The following CTPS2 variants were observed in gnomAD, a reference collection of about 807,000 sequenced individuals.
CTPS2 encodes CTP synthase 2.
A neutral mutation model predicts 46.8 loss-of-function variants in CTPS2; 19 were observed. The ratio of observed to expected loss-of-function variants is 0.41; its 90% CI spans 0.28 to 0.60. The LOEUF is 0.60. Ranked by LOEUF, CTPS2 falls within the 20% of genes least tolerant of loss-of-function variation. CTPS2 has a pLI of 0.35. For synonymous variants in CTPS2, 151 were observed against 165.2 expected (o/e 0.91, Z 0.66); for missense variants, 286 against 447.6 (o/e 0.64, Z 3.26).
At chrX:16,598,519 A>T (rs1488323050) in intron 17 of CTPS2, among the ~76,000 whole-genome samples, 9 of 111,983 alleles carry the variant, frequency 8.0e-5, no homozygotes, top group Admixed American at 1.9e-4. Context: ...AAGAAGTTGA[A>T]TCTCTGAATA....
rs940564823 is a variant in CTPS2, at chrX:16,695,417, A to G, written c.439-1930T>C. On this transcript the variant is annotated intron_variant, in intron 4 of 18. Coordinates refer to ENST00000359276, the MANE Select transcript of CTPS2 (RefSeq NM_175859.3). Reference sequence around the variant, plus strand: ...TTTGAAGTTAACTGTTGCCCCAGATAAAAGGGAAAATATCACCTATAACAA... The same window carrying G: ...TTTGAAGTTAACTGTTGCCCCAGATGAAAGGGAAAATATCACCTATAACAA... Among the ~76,000 whole-genome samples, 10 of 112,388 alleles carry G rather than the reference A, an allele frequency of 8.9e-5. No homozygotes were observed. In the East Asian group the frequency reaches 2.5e-3, roughly 28 times the overall value.
At chrX:16,693,623 GT>G in intron 4 of CTPS2, 136 bp from the exon 5 acceptor site, 1 of 477,655 alleles carries the variant, frequency 2.1e-6, no homozygotes, top group Non-Finnish European at 3.6e-6. Context: ...TTATAAATAC[GT>G]TCAAAATCAC....
intron 15 of CTPS2, among the ~76,000 whole-genome samples, chrX:16,619,379 A>G (rs1420157921): frequency 8.9e-6 from 1 of 112,410 alleles, no homozygotes; most frequent in East Asian, 2.8e-4. Flanking sequence ...CATTGCCCTG[A>G]AAAATGGCTA....
chrX:16,590,219 ATG>A (rs1182829564), intron 18 of CTPS2, among the ~76,000 whole-genome samples: 27 of 102,052 alleles, frequency 2.6e-4, no homozygotes, highest in Non-Finnish European at 5.5e-4. Context: ...ATTTTATTTT[ATG>A]TTTTATTTTA....
At chrX:16,631,692 G>A (rs770945063) in intron 14 of CTPS2, among the ~76,000 whole-genome samples, 16 of 111,608 alleles carry the variant, frequency 1.4e-4, no homozygotes, top group Non-Finnish European at 3.0e-4. Context: ...TGCCTCCCTC[G>A]CTGGATGTCT....
At chrX:16,620,125 T>A in intron 15 of CTPS2, 152 bp downstream of exon 15, 5 of 360,695 alleles carry the variant, frequency 1.4e-5, no homozygotes, top group Admixed American at 3.9e-5. Flanking sequence ...GCCCATCTCC[T>A]CTGGAAGTGG....
chrX:16,688,299 C>T (rs899595929), intron 8 of CTPS2, among the ~76,000 whole-genome samples: 5 of 110,639 alleles, frequency 4.5e-5, no homozygotes, highest in Non-Finnish European at 7.6e-5. Flanking sequence ...ACTCAGGAGG[C>T]TGAGGCAGGA....
At chrX:16,685,137 A>G (rs1397055141) in intron 8 of CTPS2, among the ~76,000 whole-genome samples, 1 of 111,577 alleles carries the variant, frequency 9.0e-6, no homozygotes, top group African/African-American at 3.3e-5. Flanking sequence ...ATGACAGCAC[A>G]CCAAGTAGTA....
chrX:16,632,319 A>C (rs1313659806), intron 14 of CTPS2, among the ~76,000 whole-genome samples: 1 of 112,267 alleles, frequency 8.9e-6, no homozygotes, highest in East Asian at 2.8e-4. Context: ...ATGAGTTTTT[A>C]AAAAATCGAG....
At chrX:16,671,615 A>G (rs1436456982) in intron 10 of CTPS2, among the ~76,000 whole-genome samples, 1 of 99,146 alleles carries the variant, frequency 1.0e-5, no homozygotes, top group Non-Finnish European at 2.0e-5. Context: ...CCCGGGTTCC[A>G]GCAATTCTCC....
At chrX:16,633,160 T>G (rs1931575686) in intron 14 of CTPS2, among the ~76,000 whole-genome samples, 1 of 105,529 alleles carries the variant, frequency 9.5e-6, no homozygotes, top group African/African-American at 3.5e-5. Context: ...CATGGCTCAC[T>G]GCAGCCTCAA....
intron 1 of CTPS2, among the ~76,000 whole-genome samples, chrX:16,709,779 G>A (rs1469812449): frequency 1.1e-5 from 1 of 93,873 alleles, no homozygotes; most frequent in Non-Finnish European, 2.0e-5. Context: ...AACCCAGGAG[G>A]TGAAGGTTGC....
chrX:16,623,792 CTTTTTTTTTTTTTTTTTT>C (rs60328217), intron 14 of CTPS2, among the ~76,000 whole-genome samples: 1 of 21,683 alleles, frequency 4.6e-5, no homozygotes, highest in Non-Finnish European at 7.6e-5. Flanking sequence ...CCCCTCAATT[CTTTTTTTTTTTTTTTTTT>C]TTTTTTTTTT....
chrX:16,703,006 T>C (rs4831053), intron 1 of CTPS2, 65 bp from the exon 2 acceptor site: 296,042 of 677,284 alleles, frequency 0.44, 53,505 homozygotes, highest in African/African-American at 0.86. Flanking sequence ...GCAGACAGTG[T>C]ATTCAACCAG....
chrX:16,698,419 A>T (rs745770377), intron 3 of CTPS2, 83 bp from the exon 4 acceptor site: 1 of 617,686 alleles, frequency 1.6e-6, no homozygotes, highest in Admixed American at 2.9e-5. Flanking sequence ...ATCACCTGAA[A>T]GTCACCTGGC....
In CTPS2 at chrX:16,707,741, G is replaced by A. The variant is rs370829503; in HGVS notation, c.-40+4594C>T. Reference sequence around the variant, plus strand: ...TAATCTCAGCACTTTGGGAGGCCAAGGCGGGCGGATCACCTGAGGTCAGGA... The same window carrying A: ...TAATCTCAGCACTTTGGGAGGCCAAAGCGGGCGGATCACCTGAGGTCAGGA... On this transcript the variant is annotated intron_variant, in intron 1 of 18. Coordinates refer to ENST00000359276, the MANE Select transcript of CTPS2 (RefSeq NM_175859.3). Among the ~76,000 whole-genome samples, 5 of 112,378 alleles carry A rather than the reference G, an allele frequency of 4.4e-5. No individual in the cohort carries two copies. The East Asian group carries it at 8.4e-4, about 19-fold the overall frequency.
rs56794396 is a variant in CTPS2 at position 16,599,476 on chromosome X, C to CTTT, written c.1692-8617_1692-8615dup. Among the ~76,000 whole-genome samples the CTTT allele has an allele frequency of 9.8e-3, 848 of 86,181 alleles. 10 individuals are homozygous for CTTT. Among genetic ancestry groups the CTTT allele is most frequent in the African/African-American group, 0.036 (801 of 21,973 alleles). 74.8% of individuals were successfully genotyped at this position (86,181 alleles called of 115,157 possible). On this transcript the variant is annotated intron_variant, in intron 17 of 18. Coordinates refer to ENST00000359276, the MANE Select transcript of CTPS2 (RefSeq NM_175859.3). ...TTTTCTTTTTCTTTTTCTTTTTTTTCTTTTTTTTTTTTTTTTTGAGACAGT... is the reference window on the plus strand; with the variant it reads ...TTTTCTTTTTCTTTTTCTTTTTTTTCTTTTTTTTTTTTTTTTTTTTGAGACAGT...
chrX:16,703,048 T>C (rs1924706529), intron 1 of CTPS2, 107 bp from the exon 2 acceptor site: 1 of 491,889 alleles, frequency 2.0e-6, no homozygotes, highest in Non-Finnish European at 3.2e-6. Flanking sequence ...TTTTTAGACA[T>C]AGTCTTACTG....
chrX:16,670,271 T>C (rs954204007), intron 11 of CTPS2, among the ~76,000 whole-genome samples: 2 of 112,022 alleles, frequency 1.8e-5, no homozygotes, highest in African/African-American at 6.5e-5. Context: ...ATAGTAAAGA[T>C]TCTAGCCTCT....
Sources: gnomAD v4.1 joint callset for allele counts (sites outside exome capture counted in the v4.1 genomes callset) on GRCh38, gnomAD v4.1.1 for gene constraint, MANE v1.5 for transcripts, NCBI Gene and HGNC (gene_info 2026-07-23, HGNC 2026-07-21) for gene names.